Variants in LRRC3C observed in about 807,000 individuals in gnomAD.
LRRC3C encodes the protein leucine-rich repeat-containing protein 3C.
A neutral mutation model predicts 14.8 loss-of-function variants in LRRC3C; 11 were observed. The ratio of observed to expected loss-of-function variants is 0.74; its 90% CI spans 0.47 to 1.23. The LOEUF (loss-of-function observed/expected upper bound fraction) is 1.23. Among genes scored for constraint, LRRC3C ranks in the 50% most tolerant of loss-of-function variants. The pLI is 0.00. For synonymous variants in LRRC3C, 149 were observed against 161.5 expected, an observed-to-expected ratio of 0.92 and a Z score of 0.59; for missense variants, 354 against 361.8, an observed-to-expected ratio of 0.98 and a Z score of 0.18.
rs150715744 is a variant in LRRC3C, at chr17:39,944,462, G to T, written c.556G>T (p.Val186Leu). Reference protein sequence around the residue: ...RLVPGTGTGIVCGSGARPDLV... With the variant: ...RLVPGTGTGILCGSGARPDLV... Reference sequence around the variant, plus strand: ...GGTGCCGGGCACTGGGACAGGCATCGTGTGTGGCTCAGGAGCCCGACCGGA... The same window carrying T: ...GGTGCCGGGCACTGGGACAGGCATCTTGTGTGGCTCAGGAGCCCGACCGGA... The change falls in exon 4 of 4, where the codon GTG becomes TTG. Residue 186 changes from valine to leucine, a missense_variant. By Grantham distance (32) the Val-to-Leu change is conservative (BLOSUM62 1). Coordinates refer to ENST00000377924, the MANE Select transcript of LRRC3C (RefSeq NM_001195545.2). 6.7e-7 allele frequency: 1 copy of T among 1,487,778 alleles called. No homozygotes were observed. The highest frequency in any genetic ancestry group is 8.9e-7 in the Non-Finnish European group (1 of 1,121,004). The allele number at this position is 1,487,778 out of a possible 1,614,324, so 92.2% of individuals were successfully genotyped here. A position where few individuals can be genotyped will look rare whatever the true frequency, so the allele number is the denominator to read the frequency against.
chr17:39,927,753 CG>C lies in LRRC3C; in HGVS notation c.-232del. On this transcript the variant is annotated 5_prime_UTR_variant, in exon 1 of 4. Coordinates refer to ENST00000377924, the MANE Select transcript of LRRC3C (RefSeq NM_001195545.2). ...TCCTGGGCTCCGTTCCCGGCCTCTT[CG>C]GGGACGCACGGTTGGAAGTTGTACC... 1 of 985,468 alleles carries C rather than the reference CG, an allele frequency of 1.0e-6. No homozygotes were observed. Among genetic ancestry groups the C allele is most frequent in the Non-Finnish European group, 1.2e-6 (1 of 829,970 alleles). The allele number at this position is 985,468 out of a possible 1,614,324, so 61.0% of individuals were successfully genotyped here. A position where few individuals can be genotyped will look rare whatever the true frequency, so the allele number is the denominator to read the frequency against.
intron 1 of LRRC3C, among the ~76,000 whole-genome samples, chr17:39,931,646 CTTTTT>C (rs60209396): frequency 3.2e-5 from 3 of 93,490 alleles, no homozygotes; most frequent in Non-Finnish European, 6.0e-5. Context: ...ATTTTCTATA[CTTTTT>C]TTTTTTTTTT....
At chr17:39,933,605 C>T (rs1290463434) in intron 1 of LRRC3C, among the ~76,000 whole-genome samples, 5 of 151,986 alleles carry the variant, frequency 3.3e-5, no homozygotes, top group Non-Finnish European at 7.4e-5. Context: ...TGGTGGCGGG[C>T]GCCTGTAATC....
At chr17:39,931,434 A>G in intron 1 of LRRC3C, among the ~76,000 whole-genome samples, 1 of 132,154 alleles carries the variant, frequency 7.6e-6, no homozygotes, top group Admixed American at 8.0e-5. Flanking sequence ...TGACAGAGAG[A>G]GACTTCGTCT....
intron 3 of LRRC3C, among the ~76,000 whole-genome samples, chr17:39,942,011 T>C (rs1283471722): frequency 6.6e-6 from 1 of 152,150 alleles, no homozygotes; most frequent in Non-Finnish European, 1.5e-5. Flanking sequence ...TAAGCCACCA[T>C]GGGCTAAGGA....
rs9789087 is a variant in LRRC3C at position 39,936,989 on chromosome 17, T to A, written c.-82+1095T>A. On this transcript the variant is annotated intron_variant, in intron 2 of 3. Coordinates refer to ENST00000377924, the MANE Select transcript of LRRC3C (RefSeq NM_001195545.2). Reference sequence around the variant, plus strand: ...AAATAATAACATTAATAAAAAAAATTGGCTGGGCATGGTGGTGCACGCCTG... The same window carrying A: ...AAATAATAACATTAATAAAAAAAATAGGCTGGGCATGGTGGTGCACGCCTG... Among the ~76,000 whole-genome samples, 988 of 151,748 alleles carry A rather than the reference T, an allele frequency of 6.5e-3. 38 individuals are homozygous for A. In the East Asian group the frequency reaches 0.078, roughly 12 times the overall value.
At chr17:39,932,831 C>G (rs550548535) in intron 1 of LRRC3C, among the ~76,000 whole-genome samples, 1 of 151,468 alleles carries the variant, frequency 6.6e-6, no homozygotes. Context: ...GCAGGTGGAT[C>G]ATCTGAGGTC....
intron 2 of LRRC3C, among the ~76,000 whole-genome samples, chr17:39,941,002 C>T (rs944699167): frequency 2.0e-5 from 3 of 151,938 alleles, no homozygotes; most frequent in Non-Finnish European, 4.4e-5. Context: ...CCTCGGCCTC[C>T]CGAAGAGCTA....
At chr17:39,941,786 T>C (rs1978948183) in intron 3 of LRRC3C, among the ~76,000 whole-genome samples, 1 of 152,230 alleles carries the variant, frequency 6.6e-6, no homozygotes, top group South Asian at 2.1e-4. Flanking sequence ...CTCTGGTCTT[T>C]GGCCACTGAC....
intron 1 of LRRC3C, 40 bp downstream of exon 1, chr17:39,927,854 G>T (rs1978526211): frequency 1.0e-6 from 1 of 985,550 alleles, no homozygotes; most frequent in African/African-American, 1.7e-5. Context: ...TGCCCTTCAA[G>T]TGTATTTTAT....
chr17:39,942,700 A>G (rs1978970171), intron 3 of LRRC3C, among the ~76,000 whole-genome samples: 3 of 152,204 alleles, frequency 2.0e-5, no homozygotes, highest in Admixed American at 1.3e-4. Flanking sequence ...GGAACCCTGG[A>G]CAGACATGTT....
intron 2 of LRRC3C, among the ~76,000 whole-genome samples, chr17:39,937,350 C>T (rs1235342755): frequency 6.6e-6 from 1 of 151,482 alleles, no homozygotes; most frequent in African/African-American, 2.4e-5. Flanking sequence ...GCAGGAGAAT[C>T]GCCTGAACCT....
At chr17:39,932,190 G>C (rs1292192352) in intron 1 of LRRC3C, among the ~76,000 whole-genome samples, 1 of 152,088 alleles carries the variant, frequency 6.6e-6, no homozygotes, top group East Asian at 1.9e-4. Flanking sequence ...TGACACTGGT[G>C]TTCGGAAAAA....
At chr17:39,941,614 C>T in intron 3 of LRRC3C, 65 bp downstream of exon 3, 1 of 1,452,278 alleles carries the variant, frequency 6.9e-7, no homozygotes, top group Non-Finnish European at 9.3e-7. Flanking sequence ...CCTCTCTGAC[C>T]TGGCAGGAGG....
chr17:39,941,674 G>A (rs1309355048), intron 3 of LRRC3C, 125 bp downstream of exon 3: 11 of 804,252 alleles, frequency 1.4e-5, no homozygotes, highest in East Asian at 2.7e-5. Context: ...CAGGCTCAAC[G>A]TGCAAGGATG....
intron 3 of LRRC3C, among the ~76,000 whole-genome samples, chr17:39,942,495 T>A (rs1302478587): frequency 6.6e-6 from 1 of 151,334 alleles, no homozygotes; most frequent in East Asian, 2.0e-4. Flanking sequence ...TGAGAGAACC[T>A]GAGTCAGTTC....
chr17:39,942,564 G>A (rs1360815267), intron 3 of LRRC3C, among the ~76,000 whole-genome samples: 1 of 152,166 alleles, frequency 6.6e-6, no homozygotes, highest in Non-Finnish European at 1.5e-5. Flanking sequence ...GGCTTCAGGT[G>A]CCTTAAAGAA....
chr17:39,944,184 C>A lies in LRRC3C; in HGVS notation c.278C>A (p.Ser93Ter). 1.3e-6 allele frequency: 2 copies of A among 1,536,194 alleles called. No homozygotes were observed. Among genetic ancestry groups the A allele is most frequent in the Non-Finnish European group, 1.7e-6 (2 of 1,146,940 alleles). ...TACCTGGATGCCAACCAGCTGGCATCGGTGCCTGCTGGTGCCTTCCAGCAC... is the reference window on the plus strand; with the variant it reads ...TACCTGGATGCCAACCAGCTGGCATAGGTGCCTGCTGGTGCCTTCCAGCAC... Reference protein sequence around the residue: ...KLYLDANQLASVPAGAFQHLP... With the variant: ...KLYLDANQLA The change falls in exon 4 of 4, where the codon TCG (serine) becomes TAG (stop). Residue 93 changes from serine (S) to a stop codon, truncating the protein, a stop_gained. Coordinates refer to ENST00000377924, the MANE Select transcript of LRRC3C (RefSeq NM_001195545.2). LOFTEE classifies it high-confidence loss of function.
chr17:39,928,248 A>G (rs760547071), intron 1 of LRRC3C, among the ~76,000 whole-genome samples: 33 of 152,234 alleles, frequency 2.2e-4, no homozygotes, highest in Non-Finnish European at 4.7e-4. Context: ...CATCAGTAGT[A>G]AGGAGCCTGA....
Sources: gnomAD v4.1 joint callset for allele counts (sites outside exome capture counted in the v4.1 genomes callset) on GRCh38, gnomAD v4.1.1 for gene constraint, MANE v1.5 for transcripts, NCBI Gene and HGNC (gene_info 2026-07-23, HGNC 2026-07-21) for gene names.